Variants in EVI5 observed in about 807,000 individuals in gnomAD.
EVI5 encodes the protein ecotropic viral integration site 5 protein homolog.
In EVI5, 73 loss-of-function variants were observed where a neutral mutation model predicts 112.0. The observed-to-expected ratio is 0.65, with a 90% confidence interval of 0.54 to 0.79. The LOEUF (loss-of-function observed/expected upper bound fraction) is 0.79. Among genes scored for constraint, EVI5 ranks in the 30% least tolerant of loss-of-function variants. The pLI, the probability that EVI5 is intolerant of heterozygous loss-of-function variation, is 0.00. For synonymous variants in EVI5, 305 were observed against 319.9 expected (o/e 0.95, Z 0.50); for missense variants, 900 against 968.8 (o/e 0.93, Z 0.94).
At chr1:92,704,787 G>C (rs1313217488) in intron 2 of EVI5, 43 bp from the exon 3 acceptor site, 1 of 904,476 alleles carries the variant, frequency 1.1e-6, no homozygotes, top group African/African-American at 1.7e-5. Context: ...ATCGGACAGT[G>C]ATATTAGAAG....
chr1:92,664,726 C>T (rs1005470337), intron 11 of EVI5, among the ~76,000 whole-genome samples: 3 of 152,216 alleles, frequency 2.0e-5, no homozygotes, highest in Admixed American at 6.5e-5. Flanking sequence ...AATAAATATC[C>T]TGTCCTTACG....
Position 92,649,517 on chromosome 1 carries a change from T to A in EVI5, c.1393-13181A>T, listed in dbSNP as rs1661680589. 2.0e-5 allele frequency among the ~76,000 whole-genome samples: 3 copies of A among 152,242 alleles called. No homozygotes were observed. The South Asian group carries it at 6.2e-4, about 31-fold the overall frequency. ...GGCTTTAAAAACATAAACATGTTAT[T>A]TTTAAATCATAAAGTTGGCTGAGCA... On this transcript the variant is annotated intron_variant, in intron 13 of 19. Coordinates refer to ENST00000684568, the MANE Select transcript of EVI5 (RefSeq NM_001350197.2).
intron 2 of EVI5, among the ~76,000 whole-genome samples, chr1:92,723,958 T>A (rs1228598929): frequency 6.6e-6 from 1 of 152,196 alleles, no homozygotes; most frequent in Non-Finnish European, 1.5e-5. Context: ...TCAGACTTAC[T>A]AGGATTGGGA....
chr1:92,694,264 C>CAAA, intron 8 of EVI5, 35 bp downstream of exon 8: 21 of 1,053,402 alleles, frequency 2.0e-5, no homozygotes, highest in South Asian at 6.0e-5. Flanking sequence ...AACTCTGTCT[C>CAAA]AAAAAAAAAA....
chr1:92,683,431 T>C (rs1030952467), intron 9 of EVI5, among the ~76,000 whole-genome samples: 12 of 151,894 alleles, frequency 7.9e-5, no homozygotes, highest in Admixed American at 1.3e-4. Flanking sequence ...AGACCAAAGG[T>C]AGATAAAACC....
intron 2 of EVI5, among the ~76,000 whole-genome samples, chr1:92,710,921 T>G (rs1644571393): frequency 6.6e-6 from 1 of 152,228 alleles, no homozygotes; most frequent in South Asian, 2.1e-4. Flanking sequence ...TATTCCAGCA[T>G]GGAGAACAGC....
At chr1:92,729,997 A>T (rs1011739530) in intron 2 of EVI5, among the ~76,000 whole-genome samples, 1 of 152,054 alleles carries the variant, frequency 6.6e-6, no homozygotes, top group Non-Finnish European at 1.5e-5. Context: ...ACCATTAATG[A>T]TCATTTCAGT....
chr1:92,741,544 A>T (rs1678408800), intron 1 of EVI5, among the ~76,000 whole-genome samples: 1 of 152,222 alleles, frequency 6.6e-6, no homozygotes, highest in South Asian at 2.1e-4. Flanking sequence ...AAGGGCCTTC[A>T]AACAGACAGT....
intron 1 of EVI5, among the ~76,000 whole-genome samples, chr1:92,778,276 CA>C (rs975107814): frequency 2.0e-5 from 3 of 152,072 alleles, no homozygotes; most frequent in Non-Finnish European, 4.4e-5. Context: ...ATAGATTCCT[CA>C]AAAGGCTCAG....
At chr1:92,736,255 T>TC in intron 2 of EVI5, 143 bp downstream of exon 2, 3 of 603,284 alleles carry the variant, frequency 5.0e-6, no homozygotes, top group Non-Finnish European at 3.0e-6. Context: ...AAGACCAATC[T>TC]CCCCCCAAAA....
chr1:92,712,245 A>C (rs1462834022), intron 2 of EVI5, among the ~76,000 whole-genome samples: 1 of 152,226 alleles, frequency 6.6e-6, no homozygotes, highest in African/African-American at 2.4e-5. Context: ...GAGAGAATTC[A>C]GAGAAGACAC....
At chr1:92,517,411 A>T (rs944502971) in intron 19 of EVI5, among the ~76,000 whole-genome samples, 1 of 152,216 alleles carries the variant, frequency 6.6e-6, no homozygotes, top group African/African-American at 2.4e-5. Context: ...AATCCCCCAT[A>T]GATACCAAGG....
chr1:92,530,336 G>C (rs1351202902), intron 19 of EVI5, among the ~76,000 whole-genome samples: 1 of 152,144 alleles, frequency 6.6e-6, no homozygotes, highest in Non-Finnish European at 1.5e-5. Flanking sequence ...AAGCACCTGG[G>C]GGAAGGGGCG....
chr1:92,735,935 A>C (rs1205335509), intron 2 of EVI5, among the ~76,000 whole-genome samples: 1 of 149,832 alleles, frequency 6.7e-6, no homozygotes. Flanking sequence ...CGGAGTCCGG[A>C]ATATGCATTC....
intron 9 of EVI5, among the ~76,000 whole-genome samples, chr1:92,692,440 A>G (rs898668346): frequency 5.3e-5 from 8 of 152,244 alleles, no homozygotes; most frequent in African/African-American, 1.9e-4. Flanking sequence ...GTCTCCACAC[A>G]TGGTAGTTAT....
chr1:92,630,436 T>C (rs1195536903), intron 14 of EVI5, among the ~76,000 whole-genome samples: 1 of 152,256 alleles, frequency 6.6e-6, no homozygotes, highest in Non-Finnish European at 1.5e-5. Context: ...GAGCATTTTT[T>C]CATGTGTCTT....
At chr1:92,548,913 C>G (rs1666286354) in intron 19 of EVI5, among the ~76,000 whole-genome samples, 1 of 152,100 alleles carries the variant, frequency 6.6e-6, no homozygotes, top group Non-Finnish European at 1.5e-5. Flanking sequence ...TGGAAATGGC[C>G]ACACTGCCCA....
chr1:92,727,244 TG>T (rs1392934619), intron 2 of EVI5, among the ~76,000 whole-genome samples: 6 of 152,134 alleles, frequency 3.9e-5, no homozygotes, highest in Non-Finnish European at 8.8e-5. Flanking sequence ...AGTTTCTTTT[TG>T]GGGTGATGGA....
Position 92,509,171 on chromosome 1 carries a change from T to C in EVI5, c.*4485A>G, listed in dbSNP as rs1279946334. The C allele has an allele frequency of 6.6e-6, 1 of 152,534 alleles. No homozygotes were observed. Among genetic ancestry groups the C allele is most frequent in the Non-Finnish European group, 1.5e-5 (1 of 68,022 alleles). 9.4% of individuals were successfully genotyped at this position (152,534 alleles called of 1,614,324 possible). A position where few individuals can be genotyped will look rare whatever the true frequency, so the allele number is the denominator to read the frequency against. ...ACTTATTTTACTTTAAACCTGAATA[T>C]TACAGTACATTATATAAAAGATAAA... is the stretch of plus-strand genomic sequence containing the variant. On this transcript the variant is annotated 3_prime_UTR_variant, in exon 20 of 20. Coordinates refer to ENST00000684568, the MANE Select transcript of EVI5 (RefSeq NM_001350197.2).
Sources: allele counts gnomAD v4.1 joint callset (sites outside exome capture counted in the v4.1 genomes callset), GRCh38; gene constraint gnomAD v4.1.1; transcripts MANE v1.5; gene names NCBI Gene and HGNC (gene_info 2026-07-23, HGNC 2026-07-21).